Variants in SORCS3 observed in about 807,000 individuals in gnomAD.
SORCS3 encodes the protein sortilin related VPS10 domain containing receptor 3.
SORCS3 carries 57 observed loss-of-function variants against 146.3 expected under a neutral mutation model. That is an observed-to-expected ratio of 0.39 (90% CI 0.31 to 0.49). The LOEUF is 0.49. SORCS3 is among the 20% of genes least tolerant of loss of function. The pLI is 0.92. For missense variants in SORCS3, 1,341 were observed against 1,575.5 expected (o/e 0.85, Z 2.52); for synonymous variants, 653 against 618.5 (o/e 1.06, Z -0.83).
At chr10:104,774,122 G>A (rs1357136958) in intron 1 of SORCS3, among the ~76,000 whole-genome samples, 1 of 152,186 alleles carries the variant, frequency 6.6e-6, no homozygotes, top group East Asian at 1.9e-4. Context: ...GGATGAAGAT[G>A]GGATACATGC....
chr10:104,653,616 T>C (rs968620977), intron 1 of SORCS3, among the ~76,000 whole-genome samples: 2 of 152,182 alleles, frequency 1.3e-5, no homozygotes, highest in African/African-American at 2.4e-5. Context: ...AATCATATGG[T>C]CACCCAGTGC....
chr10:104,938,340 CT>C (rs1299721002), intron 3 of SORCS3, among the ~76,000 whole-genome samples: 1 of 152,200 alleles, frequency 6.6e-6, no homozygotes, highest in African/African-American at 2.4e-5. Flanking sequence ...AGTTCCTACT[CT>C]GATCAAAATC....
chr10:104,648,461 A>G (rs1038412330), intron 1 of SORCS3, among the ~76,000 whole-genome samples: 1 of 152,210 alleles, frequency 6.6e-6, no homozygotes, highest in Non-Finnish European at 1.5e-5. Flanking sequence ...TTGAGGCCCC[A>G]GGATGGGTAT....
At chr10:104,837,584 C>T (rs1468103122) in intron 1 of SORCS3, among the ~76,000 whole-genome samples, 1 of 152,188 alleles carries the variant, frequency 6.6e-6, no homozygotes, top group Non-Finnish European at 1.5e-5. Flanking sequence ...AAACCTGGCT[C>T]TCCCAACAAT....
At chr10:105,006,224 G>C (rs1313219393) in intron 4 of SORCS3, among the ~76,000 whole-genome samples, 2 of 152,186 alleles carry the variant, frequency 1.3e-5, no homozygotes, top group South Asian at 4.1e-4. Context: ...TTACAGGCAT[G>C]AGCCACCACG....
chr10:105,032,022 G>A (rs560198305), intron 4 of SORCS3, among the ~76,000 whole-genome samples: 23 of 152,144 alleles, frequency 1.5e-4, no homozygotes, highest in African/African-American at 3.1e-4. Flanking sequence ...GAGAAACCCC[G>A]TCTGTACTAA....
At chr10:105,259,204 C>T (rs1315844478) in intron 25 of SORCS3, among the ~76,000 whole-genome samples, 2 of 152,194 alleles carry the variant, frequency 1.3e-5, no homozygotes, top group South Asian at 2.1e-4. Context: ...GACTGAGGAA[C>T]TGAATTTTAA....
At chr10:104,737,857 A>G (rs2133457760) in intron 1 of SORCS3, among the ~76,000 whole-genome samples, 1 of 149,200 alleles carries the variant, frequency 6.7e-6, no homozygotes, top group South Asian at 2.2e-4. Flanking sequence ...GCCCACGCCT[A>G]TGTCCTGAAT....
chr10:104,815,109 G>A (rs531834328), intron 1 of SORCS3, among the ~76,000 whole-genome samples: 15 of 152,282 alleles, frequency 9.9e-5, no homozygotes, highest in African/African-American at 3.1e-4. Flanking sequence ...GATTACTGCT[G>A]TTCTGTCAGT....
intron 2 of SORCS3, among the ~76,000 whole-genome samples, chr10:104,848,678 G>A (rs547922546): frequency 2.6e-5 from 4 of 152,170 alleles, no homozygotes; most frequent in Non-Finnish European, 4.4e-5. Context: ...AACTGGGACG[G>A]TCTCCTATTT....
At chr10:104,972,994 T>C (rs1286134713) in intron 3 of SORCS3, among the ~76,000 whole-genome samples, 81 of 152,066 alleles carry the variant, frequency 5.3e-4, no homozygotes, top group African/African-American at 1.9e-3. Flanking sequence ...TGCTGGATTA[T>C]ATTTATTGAT....
In SORCS3 at chr10:105,027,747, G is replaced by A. The variant is rs956072704; in HGVS notation, c.955-15308G>A. On this transcript the variant is annotated intron_variant, in intron 4 of 26. Transcript: ENST00000369701. ...TTTGTGCCACATATTTTGCACTTTTGTGCTTTGTTTGGTAATCTCCTTGTT... is the reference window on the plus strand; with the variant it reads ...TTTGTGCCACATATTTTGCACTTTTATGCTTTGTTTGGTAATCTCCTTGTT... Among the ~76,000 whole-genome samples the A allele has an allele frequency of 3.9e-5, 6 of 152,226 alleles. No homozygotes were observed. In the Middle Eastern group the frequency reaches 0.02, roughly 518 times the overall value.
At chr10:105,147,436 C>A (rs2056138886) in intron 8 of SORCS3, among the ~76,000 whole-genome samples, 181 bp from the exon 9 acceptor site, 1 of 152,102 alleles carries the variant, frequency 6.6e-6, no homozygotes, top group Non-Finnish European at 1.5e-5. Flanking sequence ...TGTCACTTAG[C>A]AAGGAACAGA....
rs1554857309 is a variant in SORCS3 at position 104,887,971 on chromosome 10, G to GCGGTGC, written c.696-27862_696-27861insCGGTGC. 6.0e-5 allele frequency among the ~76,000 whole-genome samples: 5 copies of GCGGTGC among 83,034 alleles called. 1 individual carries two copies. Among genetic ancestry groups the GCGGTGC allele is most frequent in the African/African-American group, 2.8e-4 (5 of 18,134 alleles). 54.5% of individuals were successfully genotyped at this position (83,034 alleles called of 152,430 possible). On this transcript the variant is annotated intron_variant, in intron 2 of 26. Transcript: ENST00000369701. ...AACATGGTGGGGGCGGGGGGGCGGGGGCGGAGCAAGCCCATGAAGACAGCA... is the reference window on the plus strand; with the variant it reads ...AACATGGTGGGGGCGGGGGGGCGGGGCGGTGCGCGGAGCAAGCCCATGAAGACAGCA...
At chr10:104,778,263 GC>G (rs1427312499) in intron 1 of SORCS3, among the ~76,000 whole-genome samples, 1 of 152,098 alleles carries the variant, frequency 6.6e-6, no homozygotes, top group African/African-American at 2.4e-5. Flanking sequence ...CAAATTCTAG[GC>G]CCGGTTCCAT....
chr10:105,106,655 A>C (rs939326140), intron 7 of SORCS3, among the ~76,000 whole-genome samples: 2 of 152,216 alleles, frequency 1.3e-5, no homozygotes, highest in East Asian at 3.9e-4. Context: ...TCTATCTATA[A>C]CTTAGTTACA....
chr10:104,842,949 G>T, intron 2 of SORCS3, 90 bp downstream of exon 2: 1 of 1,025,454 alleles, frequency 9.8e-7, no homozygotes, highest in South Asian at 1.3e-5. Flanking sequence ...GGACTGGAAG[G>T]AGCAGAAGAT....
chr10:104,974,811 C>G (rs192601609), intron 3 of SORCS3, among the ~76,000 whole-genome samples: 1 of 152,120 alleles, frequency 6.6e-6, no homozygotes, highest in Non-Finnish European at 1.5e-5. Flanking sequence ...TACAATTTGG[C>G]CTGATTTTGC....
At chr10:104,794,988 T>C (rs769620871) in intron 1 of SORCS3, among the ~76,000 whole-genome samples, 3 of 152,282 alleles carry the variant, frequency 2.0e-5, no homozygotes, top group Non-Finnish European at 4.4e-5. Flanking sequence ...ATTCTATTCT[T>C]AGGTATATCA....
Sources: allele counts gnomAD v4.1 joint callset (sites outside exome capture counted in the v4.1 genomes callset), GRCh38; gene constraint gnomAD v4.1.1; transcripts MANE v1.5; gene names NCBI Gene and HGNC (gene_info 2026-07-23, HGNC 2026-07-21).